LMAN1L: variants seen among roughly 807,000 people sequenced by gnomAD.
The protein encoded by LMAN1L is lectin, mannose binding 1 like, also known as protein ERGIC-53-like.
LMAN1L carries 60 observed loss-of-function variants against 58.3 expected under a neutral mutation model. The ratio of observed to expected loss-of-function variants is 1.03; its 90% CI spans 0.84 to 1.27. The LOEUF (loss-of-function observed/expected upper bound fraction) is 1.27, where lower values mean the gene tolerates loss of function less well. Among genes scored for constraint, LMAN1L ranks in the 50% most tolerant of loss-of-function variants. The pLI is 0.00. For synonymous variants in LMAN1L, 280 were observed against 271.6 expected, an observed-to-expected ratio of 1.03 and a Z score of -0.31; for missense variants, 629 against 674.0, an observed-to-expected ratio of 0.93 and a Z score of 0.74.
chr15:74,820,838 G>T, intron 8 of LMAN1L, 71 bp downstream of exon 8: 5 of 1,549,372 alleles, frequency 3.2e-6, no homozygotes, highest in Admixed American at 3.9e-5. Flanking sequence ...TATGACCAGG[G>T]GTCCTTTAAT....
Position 74,821,161 on chromosome 15 carries a change from C to T in LMAN1L, c.994C>T (p.Gln332Ter), listed in dbSNP as rs775718949. The T allele has an allele frequency of 6.4e-7, 1 of 1,553,606 alleles. No homozygotes were observed. The highest frequency in any genetic ancestry group is 8.7e-7 in the Non-Finnish European group (1 of 1,148,738). Reference protein sequence around the residue: ...ALRGLSKQLAQAERQWKKQLG... With the variant: ...ALRGLSKQLA ...GCGGGGTCTCTCCAAGCAGCTGGCC[C>T]AGGCTGAGAGACAATGGAAGAAGCA... The change falls in exon 9 of 14, where the codon CAG becomes TAG. Residue 332 changes from glutamine (Q) to a stop codon, truncating the protein, a stop_gained. Transcript: ENST00000309664. LOFTEE classifies it high-confidence loss of function.
chr15:74,821,942 G>A, intron 10 of LMAN1L, 42 bp downstream of exon 10: 1 of 1,391,368 alleles, frequency 7.2e-7, no homozygotes, highest in Non-Finnish European at 1.0e-6. Context: ...ACTGGCCCCA[G>A]CTTGGCTGGT....
chr15:74,823,733 C>T (rs751042544), intron 12 of LMAN1L, 51 bp downstream of exon 12: 2 of 1,590,392 alleles, frequency 1.3e-6, no homozygotes, highest in Admixed American at 3.4e-5. Flanking sequence ...GACGTCTGGG[C>T]TCAGCCACCC....
At chr15:74,825,295 C>A in intron 13 of LMAN1L, 181 bp from the exon 14 acceptor site, 6 of 632,386 alleles carry the variant, frequency 9.5e-6, no homozygotes, top group Non-Finnish European at 1.7e-5. Context: ...CTAGGACAGA[C>A]CTTACATGCC....
chr15:74,817,257 A>G (rs2063895916), intron 4 of LMAN1L, among the ~76,000 whole-genome samples: 1 of 152,214 alleles, frequency 6.6e-6, no homozygotes, highest in Non-Finnish European at 1.5e-5. Flanking sequence ...TATGCCAGGC[A>G]CAGCACCAAG....
In LMAN1L at chr15:74,819,198, G is replaced by C; in HGVS notation, c.644G>C (p.Cys215Ser). 1 of 1,614,160 alleles carries C rather than the reference G, an allele frequency of 6.2e-7. No individual in the cohort carries two copies. Among genetic ancestry groups the C allele is most frequent in the Non-Finnish European group, 8.5e-7 (1 of 1,179,984 alleles). ...ACTCCCAGTGATCCAGGTGAGTTCT[G>C]TGTGGATGTGGGGCCCCTGCTTTTG... ...GLTPSDPGEF[C>S]VDVGPLLLVP... Residue 215 changes from cysteine to serine, a missense_variant, in exon 6 of 14, where the codon TGT (cysteine) becomes TCT (serine). This residue lies in a region of LMAN1L where 573 missense variants were observed against 597.3 expected (regional missense o/e 0.96). Transcript: ENST00000309664.
chr15:74,824,779 C>A (rs1022687395), intron 13 of LMAN1L: 4 of 292,152 alleles, frequency 1.4e-5, no homozygotes, highest in Non-Finnish European at 2.5e-5. Context: ...TGCAGGAGAA[C>A]ACACTTGACC....
intron 1 of LMAN1L, among the ~76,000 whole-genome samples, chr15:74,814,390 T>TTTTG: frequency 1.4e-5 from 2 of 144,522 alleles, no homozygotes; most frequent in Non-Finnish European, 3.1e-5. Context: ...TTTTTTTTTT[T>TTTTG]TGAGACGGAG....
rs138848320 is a variant in LMAN1L, at chr15:74,820,684, A to C, written c.824A>C (p.Gln275Pro). The C allele has an allele frequency of 1.9e-6, 3 of 1,613,802 alleles. No homozygotes were observed. The African/African-American group carries it at 4.0e-5, about 22-fold the overall frequency. Reference sequence around the variant, plus strand: ...ATGCAGCAGCTCCGCCTGGCGAGGCAGCTGGAAGGGCTGTGGGCAAGGCTG... The same window carrying C: ...ATGCAGCAGCTCCGCCTGGCGAGGCCGCTGGAAGGGCTGTGGGCAAGGCTG... ...LEMQQLRLAR[Q>P]LEGLWARLGL... Residue 275 changes from glutamine to proline, a missense_variant, in exon 8 of 14, where the codon CAG becomes CCG. Physicochemically the swap from Gln to Pro is moderately conservative, Grantham distance 76 (BLOSUM62 -1). Transcript: ENST00000309664.
intron 5 of LMAN1L, 53 bp downstream of exon 5, chr15:74,818,870 T>C (rs868361007): frequency 2.3e-5 from 34 of 1,483,246 alleles, no homozygotes; most frequent in Middle Eastern, 3.4e-4. Flanking sequence ...AGCTGCTATG[T>C]GTGCGTGCCC....
chr15:74,814,378 GT>G lies in LMAN1L; in HGVS notation c.175+1362del, dbSNP rs569247875. On this transcript the variant is annotated intron_variant, in intron 1 of 13. Transcript: ENST00000309664. ...GCAGCTAATTTTTGTTTTTGTTTTT[GT>G]TTTTTTTTTTTTGAGACGGAGTCTC... is the stretch of plus-strand genomic sequence containing the variant. Among the ~76,000 whole-genome samples the G allele has an allele frequency of 2.2e-4, 24 of 110,574 alleles. 1 individual carries two copies. Among genetic ancestry groups the G allele is most frequent in the East Asian group, 1.9e-3 (7 of 3,620 alleles). 72.5% of individuals were successfully genotyped at this position (110,574 alleles called of 152,430 possible). A position where few individuals can be genotyped will look rare whatever the true frequency, so the allele number is the denominator to read the frequency against.
chr15:74,817,042 C>G (rs1339744286), intron 4 of LMAN1L, among the ~76,000 whole-genome samples: 2 of 152,174 alleles, frequency 1.3e-5, no homozygotes, highest in South Asian at 4.1e-4. Context: ...CAGTGCTGAA[C>G]TTTGAGCCCA....
Position 74,815,392 on chromosome 15 carries a change from C to T in LMAN1L, c.176-765C>T, listed in dbSNP as rs1047150550. Among the ~76,000 whole-genome samples, 4 of 152,216 alleles carry T rather than the reference C, an allele frequency of 2.6e-5. No individual in the cohort carries two copies. In the South Asian group the frequency reaches 6.2e-4, roughly 24 times the overall value. On this transcript the variant is annotated intron_variant, in intron 1 of 13. Transcript: ENST00000309664. ...TGGGGAGCGAGCTCGAGTAGGGCCTCTGAGTTCCCTGCCCCCAGTTCCTGC... is the reference window on the plus strand; with the variant it reads ...TGGGGAGCGAGCTCGAGTAGGGCCTTTGAGTTCCCTGCCCCCAGTTCCTGC...
intron 3 of LMAN1L, 48 bp from the exon 4 acceptor site, chr15:74,816,584 C>A (rs776890998): frequency 6.3e-7 from 1 of 1,595,440 alleles, no homozygotes; most frequent in Non-Finnish European, 8.6e-7. Context: ...TCACACCCTC[C>A]CCCTCCCGCC....
Position 74,819,030 on chromosome 15 carries a change from G to A in LMAN1L, c.598-122G>A, listed in dbSNP as rs550228921. 4.7e-5 allele frequency: 58 copies of A among 1,221,502 alleles called. 3 individuals are homozygous for A. The Middle Eastern group carries it at 3.1e-3, about 66-fold the overall frequency. The allele number at this position is 1,221,502 out of a possible 1,614,324, so 75.7% of individuals were successfully genotyped here. A position where few individuals can be genotyped will look rare whatever the true frequency, so the allele number is the denominator to read the frequency against. On this transcript the variant is annotated intron_variant, in intron 5 of 13. Coordinates refer to ENST00000309664, the MANE Select transcript of LMAN1L (RefSeq NM_021819.3). Reference sequence around the variant, plus strand: ...AGGGCTCACATGAGACCAGGAGTGCGGGTCACCTCCATGCCATTCTGATAC... The same window carrying A: ...AGGGCTCACATGAGACCAGGAGTGCAGGTCACCTCCATGCCATTCTGATAC...
At chr15:74,816,843 C>T (rs562713682) in intron 4 of LMAN1L, among the ~76,000 whole-genome samples, 153 bp downstream of exon 4, 6 of 152,296 alleles carry the variant, frequency 3.9e-5, no homozygotes, top group Admixed American at 2.0e-4. Flanking sequence ...AGCCGACGTC[C>T]GCCCCCCTGG....
intron 4 of LMAN1L, among the ~76,000 whole-genome samples, chr15:74,817,293 A>G (rs555650004): frequency 1.5e-4 from 23 of 152,104 alleles, no homozygotes; most frequent in African/African-American, 5.3e-4. Context: ...GTCTTAGTTA[A>G]CCCTCATAAC....
chr15:74,816,795 CCCTGCCGGGCCGCCATA>C (rs2063893538), intron 4 of LMAN1L, 105 bp downstream of exon 4: 7 of 1,095,686 alleles, frequency 6.4e-6, no homozygotes, highest in Non-Finnish European at 9.1e-6. Flanking sequence ...AGGGGGCCCA[CCCTGCCGGGCCGCCATA>C]CTTGCTGGAC....
intron 7 of LMAN1L, 77 bp downstream of exon 7, chr15:74,820,176 C>T (rs866965240): frequency 1.5e-6 from 2 of 1,293,418 alleles, no homozygotes; most frequent in South Asian, 1.2e-5. Context: ...GCCCTCAGAC[C>T]TGCCATTCCA....
Sources: gnomAD v4.1 joint callset for allele counts (sites outside exome capture counted in the v4.1 genomes callset) on GRCh38, gnomAD v4.1.1 for gene constraint, gnomAD v4.1.1 regional missense constraint, MANE v1.5 for transcripts, NCBI Gene and HGNC (gene_info 2026-07-23, HGNC 2026-07-21) for gene names.